Variants in AGBL1 observed in about 807,000 individuals in gnomAD.
The protein encoded by AGBL1 is AGBL carboxypeptidase 1.
AGBL1 carries 130 observed loss-of-function variants against 118.9 expected under a neutral mutation model. The ratio of observed to expected loss-of-function variants is 1.09; its 90% CI spans 0.95 to 1.26. The LOEUF (loss-of-function observed/expected upper bound fraction) is 1.26. Ranked by LOEUF, AGBL1 falls within the 50% of genes most tolerant of loss-of-function variation. The pLI is 0.00. For synonymous variants in AGBL1, 555 were observed against 478.9 expected (o/e 1.16, Z -2.08); for missense variants, 1,584 against 1,298.1 (o/e 1.22, Z -3.38).
intron 22 of AGBL1, among the ~76,000 whole-genome samples, chr15:86,783,265 T>C (rs540160476): frequency 6.6e-6 from 1 of 152,186 alleles, no homozygotes; most frequent in Non-Finnish European, 1.5e-5. Flanking sequence ...TAAGTTCTGG[T>C]CCTCTATTCT....
rs184219600 is a variant in AGBL1 at position 86,525,643 on chromosome 15, G to A, written c.2685+2704G>A. ...AATATATATTCAGTAAATGACGCTG[G>A]GAAAATTGGATAGCCACATGTAGAA... On this transcript the variant is annotated intron_variant, in intron 19 of 22. Coordinates refer to ENST00000614907, the MANE Select transcript of AGBL1 (RefSeq NM_001386094.1). 1.6e-3 allele frequency among the ~76,000 whole-genome samples: 238 copies of A among 152,134 alleles called. 5 individuals carry two copies. Among genetic ancestry groups the A allele is most frequent in the Non-Finnish European group, 9.6e-4 (65 of 67,968 alleles).
At chr15:86,392,915 A>C (rs1339408729) in intron 17 of AGBL1, among the ~76,000 whole-genome samples, 1 of 152,184 alleles carries the variant, frequency 6.6e-6, no homozygotes, top group Non-Finnish European at 1.5e-5. Flanking sequence ...TGAGATTGTC[A>C]ATTGCAAGAA....
At chr15:86,587,805 C>T (rs1596292961) in intron 21 of AGBL1, among the ~76,000 whole-genome samples, 1 of 152,288 alleles carries the variant, frequency 6.6e-6, no homozygotes, top group East Asian at 1.9e-4. Context: ...ACGTAGTAAT[C>T]ACACAACAGC....
chr15:86,421,419 T>A (rs2142024196), intron 18 of AGBL1, among the ~76,000 whole-genome samples: 1 of 152,212 alleles, frequency 6.6e-6, no homozygotes, highest in East Asian at 1.9e-4. Flanking sequence ...TATTTTGTCA[T>A]CACCAGGCCT....
intron 24 of AGBL1, among the ~76,000 whole-genome samples, chr15:86,995,258 G>T (rs930546755): frequency 6.6e-6 from 1 of 152,008 alleles, no homozygotes; most frequent in South Asian, 2.1e-4. Flanking sequence ...TTGATGGTGC[G>T]TGCTTGTAAT....
chr15:86,760,457 C>G (rs975046947), intron 22 of AGBL1, among the ~76,000 whole-genome samples: 1 of 152,054 alleles, frequency 6.6e-6, no homozygotes, highest in Admixed American at 6.6e-5. Context: ...CAATGACTTT[C>G]TAAATGCAGA....
intron 1 of AGBL1, among the ~76,000 whole-genome samples, chr15:86,133,451 C>T (rs1188033329): frequency 1.3e-5 from 2 of 152,212 alleles, no homozygotes; most frequent in Admixed American, 6.5e-5. Context: ...TTCCTGGTTG[C>T]ACTTTTATAT....
intron 19 of AGBL1, among the ~76,000 whole-genome samples, chr15:86,536,403 C>T (rs752563538): frequency 5.3e-5 from 8 of 152,194 alleles, no homozygotes; most frequent in South Asian, 2.1e-4. Context: ...TTCTGCCTCC[C>T]GGGTTCAAGC....
chr15:86,683,159 A>C (rs755014479), intron 22 of AGBL1, among the ~76,000 whole-genome samples: 8 of 152,314 alleles, frequency 5.3e-5, no homozygotes, highest in Admixed American at 3.9e-4. Flanking sequence ...TTAAATGTAT[A>C]ATCTAAATTT....
chr15:86,533,347 A>C (rs1314651190), intron 19 of AGBL1, among the ~76,000 whole-genome samples: 2 of 132,668 alleles, frequency 1.5e-5, no homozygotes, highest in Non-Finnish European at 3.1e-5. Context: ...TGCAGCCAAA[A>C]AATACATGAA....
intron 18 of AGBL1, among the ~76,000 whole-genome samples, chr15:86,520,374 T>A (rs8028407): frequency 1.3e-3 from 200 of 152,340 alleles, no homozygotes; most frequent in African/African-American, 4.7e-3. Context: ...CACATGAGAA[T>A]GTTGACTCTC....
intron 1 of AGBL1, chr15:86,083,606 G>T (rs1895437030): frequency 6.6e-6 from 1 of 152,182 alleles, no homozygotes; most frequent in Non-Finnish European, 1.5e-5. Flanking sequence ...TTCCTGTCTG[G>T]AGTAAGCCAT....
At chr15:86,154,194 T>A (rs570623763) in intron 3 of AGBL1, among the ~76,000 whole-genome samples, 2 of 152,336 alleles carry the variant, frequency 1.3e-5, no homozygotes, top group South Asian at 4.1e-4. Flanking sequence ...ATATAGGGGC[T>A]TGAGAGTTAT....
intron 22 of AGBL1, among the ~76,000 whole-genome samples, chr15:86,861,074 A>G (rs921434732): frequency 1.3e-5 from 2 of 152,080 alleles, no homozygotes; most frequent in Non-Finnish European, 2.9e-5. Context: ...GGTGGATGGA[A>G]GGGCACTAAT....
intron 5 of AGBL1, among the ~76,000 whole-genome samples, chr15:86,172,629 T>G (rs879518204): frequency 6.6e-6 from 1 of 152,222 alleles, no homozygotes; most frequent in Non-Finnish European, 1.5e-5. Context: ...CTTATTTCAC[T>G]TAACATAATG....
intron 22 of AGBL1, among the ~76,000 whole-genome samples, chr15:86,857,305 T>C (rs777625670): frequency 1.3e-5 from 2 of 152,224 alleles, no homozygotes; most frequent in Non-Finnish European, 2.9e-5. Context: ...GCTAAACCCA[T>C]CCATCAGCTT....
intron 21 of AGBL1, among the ~76,000 whole-genome samples, chr15:86,581,422 G>T (rs2084170666): frequency 1.3e-5 from 2 of 152,192 alleles, no homozygotes; most frequent in East Asian, 3.9e-4. Flanking sequence ...TTCTCATTCA[G>T]ATAAATTATC....
At chr15:86,229,383 C>CA (rs1222290998) in intron 6 of AGBL1, among the ~76,000 whole-genome samples, 4 of 151,902 alleles carry the variant, frequency 2.6e-5, no homozygotes, top group Non-Finnish European at 5.9e-5. Flanking sequence ...AGCAAAAGGG[C>CA]AAAAAAACCC....
intron 3 of AGBL1, among the ~76,000 whole-genome samples, chr15:86,145,911 T>A (rs1049235150): frequency 1.3e-5 from 2 of 152,184 alleles, no homozygotes; most frequent in Admixed American, 1.3e-4. Flanking sequence ...TACTTTAGAC[T>A]GGCATGGTCA....
Sources: gnomAD v4.1 joint callset for allele counts (sites outside exome capture counted in the v4.1 genomes callset) on GRCh38, gnomAD v4.1.1 for gene constraint, MANE v1.5 for transcripts, NCBI Gene and HGNC (gene_info 2026-07-23, HGNC 2026-07-21) for gene names.